Variants in TLK1 observed in about 807,000 individuals in gnomAD.
TLK1 encodes the protein tousled like kinase 1.
In TLK1, 24 loss-of-function variants were observed where a neutral mutation model predicts 105.3. The ratio of observed to expected loss-of-function variants is 0.23; its 90% confidence interval spans 0.17 to 0.32. The LOEUF (loss-of-function observed/expected upper bound fraction) is 0.32. TLK1 is among the 10% of genes least tolerant of loss of function. The pLI is 1.00. For missense variants in TLK1, 558 were observed against 910.5 expected (o/e 0.61, Z 4.98); for synonymous variants, 321 against 310.4 (o/e 1.03, Z -0.36).
chr2:171,213,211 C>CTT (rs540558932), intron 1 of TLK1, among the ~76,000 whole-genome samples: 8 of 146,520 alleles, frequency 5.5e-5, no homozygotes, highest in Admixed American at 4.1e-4. Flanking sequence ...CTTTTCTTTT[C>CTT]TTTTTTTTTT....
At chr2:171,008,956 G>A (rs1197353652) in intron 14 of TLK1, among the ~76,000 whole-genome samples, 3 of 152,158 alleles carry the variant, frequency 2.0e-5, no homozygotes, top group Non-Finnish European at 2.9e-5. Flanking sequence ...AATGCTAACT[G>A]CACTTTTAGT....
chr2:171,161,939 A>G (rs2105617781), upstream of TLK1, among the ~76,000 whole-genome samples: 1 of 152,332 alleles, frequency 6.6e-6, no homozygotes, highest in African/African-American at 2.4e-5. Context: ...GAGCACTAAA[A>G]AGATTATGAT....
chr2:171,159,419 G>A (rs1028743301), intron 1 of TLK1, among the ~76,000 whole-genome samples: 24 of 152,212 alleles, frequency 1.6e-4, no homozygotes, highest in African/African-American at 5.5e-4. Flanking sequence ...AAGCACGCCG[G>A]TGCCTTACAA....
intron 11 of TLK1, among the ~76,000 whole-genome samples, chr2:171,030,545 T>C (rs1311072938): frequency 1.3e-5 from 2 of 152,172 alleles, no homozygotes; most frequent in African/African-American, 2.4e-5. Flanking sequence ...ATATCTCAAC[T>C]AATCTAGAAA....
chr2:171,059,656 CA>C (rs534236886), intron 4 of TLK1, among the ~76,000 whole-genome samples: 192 of 152,214 alleles, frequency 1.3e-3, no homozygotes, highest in African/African-American at 4.5e-3. Context: ...TCCATAAGAT[CA>C]GTAGTTCCCC....
At position 171,014,967 on chromosome 2, in the gene TLK1, G is replaced by A. The variant is rs758128668; in HGVS notation, c.1237-19C>T. 4.5e-6 allele frequency: 7 copies of A among 1,559,154 alleles called. No homozygotes were observed. The highest frequency in any genetic ancestry group is 2.2e-5 in the East Asian group (1 of 44,608). ...CCTCTTCCTGAAAATGAAGAGAGGG[G>A]ACTATAACAAGCTCAATTTATTTGC... is the stretch of plus-strand genomic sequence containing the variant. On this transcript the variant is annotated intron_variant, in intron 12 of 20. Transcript: ENST00000431350.
chr2:170,993,734 C>A lies in TLK1; in HGVS notation c.*46G>T. On this transcript the variant is annotated 3_prime_UTR_variant, in exon 21 of 21. Coordinates refer to ENST00000431350, the MANE Select transcript of TLK1 (RefSeq NM_012290.5). ...TCAAATGCTCTCAAACTTAAGTGTG[C>A]ATCTGGAAGCAAATTCAAAGATATC... The A allele has an allele frequency of 2.9e-6, 4 of 1,368,864 alleles. No individual in the cohort carries two copies. The highest frequency in any genetic ancestry group is 3.6e-5 in the South Asian group (2 of 55,564). The allele number at this position is 1,368,864 out of a possible 1,614,324, so 84.8% of individuals were successfully genotyped here.
chr2:171,087,607 T>C (rs972092776), intron 2 of TLK1, among the ~76,000 whole-genome samples: 2 of 152,072 alleles, frequency 1.3e-5, no homozygotes, highest in Admixed American at 6.6e-5. Context: ...AATTTACAGA[T>C]TGAAGTTCAC....
chr2:171,006,313 A>C, intron 17 of TLK1, 31 bp from the exon 18 acceptor site: 3 of 1,548,218 alleles, frequency 1.9e-6, no homozygotes, highest in Non-Finnish European at 2.6e-6. Flanking sequence ...TCTTTTAATG[A>C]TACATACATG....
intron 2 of TLK1, among the ~76,000 whole-genome samples, chr2:171,101,207 G>A (rs1460767113): frequency 1.3e-5 from 2 of 151,970 alleles, no homozygotes; most frequent in Non-Finnish European, 2.9e-5. Flanking sequence ...TTAGCCAGAA[G>A]TGGTGGTACG....
At chr2:171,199,729 A>G (rs1693362274) in intron 1 of TLK1, among the ~76,000 whole-genome samples, 1 of 152,222 alleles carries the variant, frequency 6.6e-6, no homozygotes, top group African/African-American at 2.4e-5. Context: ...GGAGGGTCAT[A>G]TTACAAATTC....
chr2:171,176,658 A>G (rs12469418), intron 1 of TLK1, among the ~76,000 whole-genome samples: 7,346 of 152,168 alleles, frequency 0.048, 462 homozygotes, highest in East Asian at 0.29. Flanking sequence ...GGCTACCGTC[A>G]TCTCTTACTG....
chr2:170,998,173 A>G (rs534232659), intron 18 of TLK1, among the ~76,000 whole-genome samples: 30 of 152,122 alleles, frequency 2.0e-4, no homozygotes, highest in Non-Finnish European at 4.0e-4. Flanking sequence ...GCAGTATCTA[A>G]TAATAGTAGA....
chr2:171,032,595 A>G (rs1368419267), intron 11 of TLK1, among the ~76,000 whole-genome samples: 2 of 152,218 alleles, frequency 1.3e-5, no homozygotes, highest in East Asian at 3.8e-4. Flanking sequence ...GTTCAAAAAG[A>G]GTTAATTAAA....
At chr2:171,086,639 A>AAAC (rs368314716) in intron 2 of TLK1, among the ~76,000 whole-genome samples, 2,303 of 80,352 alleles carry the variant, frequency 0.029, 62 homozygotes, top group African/African-American at 0.09. Flanking sequence ...AAAAACAAAC[A>AAAC]AAAAAAAAAA....
At chr2:171,200,819 A>C (rs1207761792) in intron 1 of TLK1, among the ~76,000 whole-genome samples, 1 of 152,004 alleles carries the variant, frequency 6.6e-6, no homozygotes, top group Non-Finnish European at 1.5e-5. Context: ...TATTTTTATT[A>C]ATCTAAATCA....
chr2:171,110,465 C>T (rs964161510), intron 2 of TLK1, among the ~76,000 whole-genome samples: 1 of 151,914 alleles, frequency 6.6e-6, no homozygotes, highest in African/African-American at 2.4e-5. Context: ...AAGACTGTCT[C>T]AAAAAAATAA....
At chr2:171,107,559 T>C (rs1239565183) in intron 2 of TLK1, among the ~76,000 whole-genome samples, 7 of 152,210 alleles carry the variant, frequency 4.6e-5, no homozygotes, top group Admixed American at 1.3e-4. Flanking sequence ...CTAAGCACCA[T>C]TCTTCATTAA....
intron 1 of TLK1, among the ~76,000 whole-genome samples, chr2:171,176,290 G>A (rs958784777): frequency 1.3e-5 from 2 of 152,170 alleles, no homozygotes; most frequent in African/African-American, 2.4e-5. Context: ...TGGGACCAGT[G>A]TTGAGCAGCA....
Sources: allele counts gnomAD v4.1 joint callset (sites outside exome capture counted in the v4.1 genomes callset), GRCh38; gene constraint gnomAD v4.1.1; transcripts MANE v1.5; gene names NCBI Gene and HGNC (gene_info 2026-07-23, HGNC 2026-07-21).